POR: variants seen among roughly 807,000 people sequenced by gnomAD.
POR encodes NADPH--cytochrome P450 reductase.
POR carries 56 observed loss-of-function variants against 84.0 expected under a neutral mutation model. The observed-to-expected ratio is 0.67, with a 90% confidence interval of 0.54 to 0.83. The LOEUF is 0.83. Ranked by LOEUF, POR falls within the 40% of genes least tolerant of loss-of-function variation. The pLI, the probability that POR is intolerant of heterozygous loss-of-function variation, is 0.00. For synonymous variants in POR, 414 were observed against 400.5 expected, an observed-to-expected ratio of 1.03 and a Z score of -0.40; for missense variants, 938 against 944.3, an observed-to-expected ratio of 0.99 and a Z score of 0.09.
chr7:75,985,504 G>A, intron 12 of POR, 75 bp from the exon 13 acceptor site: 1 of 1,437,902 alleles, frequency 7.0e-7, no homozygotes, highest in Non-Finnish European at 9.2e-7. Context: ...GGGCTGGCCT[G>A]CAGAACGGGA....
At chr7:75,932,789 G>C (rs1223960436) in intron 1 of POR, among the ~76,000 whole-genome samples, 1 of 152,116 alleles carries the variant, frequency 6.6e-6, no homozygotes, top group Non-Finnish European at 1.5e-5. Flanking sequence ...GGAGGCCGAG[G>C]TGGGTGGATC....
intron 1 of POR, among the ~76,000 whole-genome samples, chr7:75,916,595 A>G (rs1052070445): frequency 6.6e-6 from 1 of 152,172 alleles, no homozygotes; most frequent in Non-Finnish European, 1.5e-5. Context: ...CTGAGCAGAT[A>G]GCTTATTATA....
intron 1 of POR, among the ~76,000 whole-genome samples, chr7:75,949,340 G>C (rs544879726): frequency 6.6e-6 from 1 of 152,178 alleles, no homozygotes; most frequent in South Asian, 2.1e-4. Flanking sequence ...ATTTTTAGTA[G>C]AGATGGAGTT....
At chr7:75,980,743 C>T (rs1196730002) in intron 5 of POR, 41 of 1,471,740 alleles carry the variant, frequency 2.8e-5, no homozygotes, top group Middle Eastern at 1.9e-4. Flanking sequence ...TCTGGCTGGA[C>T]GACTGAGACC....
At chr7:75,976,199 T>TA (rs1788677915) in intron 3 of POR, among the ~76,000 whole-genome samples, 2 of 152,178 alleles carry the variant, frequency 1.3e-5, no homozygotes, top group African/African-American at 4.8e-5. Context: ...AACCTGATAA[T>TA]CATGAGCACT....
intron 1 of POR, chr7:75,922,868 A>G: frequency 3.4e-6 from 2 of 579,762 alleles, no homozygotes. Flanking sequence ...TTGGCAAAGG[A>G]GGAGCAGAGG....
At chr7:75,922,986 C>A in intron 1 of POR, 1 of 674,042 alleles carries the variant, frequency 1.5e-6, no homozygotes, top group South Asian at 1.6e-5. Context: ...AACCTCACAC[C>A]TTGGAATCGC....
chr7:75,940,594 C>T (rs1226888271), intron 1 of POR, among the ~76,000 whole-genome samples: 1 of 151,074 alleles, frequency 6.6e-6, no homozygotes, highest in African/African-American at 2.4e-5. Context: ...ACCATCCTGG[C>T]TAATATGGTG....
rs781830834 is a variant in POR at position 75,943,754 on chromosome 7, G to A, written c.-4-10235G>A. 9.3e-5 allele frequency: 40 copies of A among 430,830 alleles called. No individual in the cohort carries two copies. In the Admixed American group the frequency reaches 9.4e-4, roughly 10 times the overall value. 26.7% of individuals were successfully genotyped at this position (430,830 alleles called of 1,614,324 possible). A position where few individuals can be genotyped will look rare whatever the true frequency, so the allele number is the denominator to read the frequency against. ...ACAACAACTGAAAAGTATTGGTAAC[G>A]TCTTTAGATTCATCAAGAGCCAAGG... On this transcript the variant is annotated intron_variant, in intron 1 of 15. Coordinates refer to ENST00000461988, the MANE Select transcript of POR (RefSeq NM_000941.3).
At chr7:75,981,474 G>A in intron 6 of POR, 43 bp from the exon 7 acceptor site, 1 of 1,561,550 alleles carries the variant, frequency 6.4e-7, no homozygotes, top group Non-Finnish European at 8.7e-7. Context: ...GTTGCCACAT[G>A]GGCCTCCCCT....
chr7:75,943,202 C>T (rs926327957), intron 1 of POR, among the ~76,000 whole-genome samples: 5 of 152,274 alleles, frequency 3.3e-5, no homozygotes, highest in African/African-American at 7.2e-5. Flanking sequence ...CCGCCTGCCT[C>T]GGCTTCCCAA....
At chr7:75,979,324 A>T in intron 3 of POR, 127 bp from the exon 4 acceptor site, 1 of 1,125,596 alleles carries the variant, frequency 8.9e-7, no homozygotes, top group Non-Finnish European at 1.3e-6. Context: ...CTTAGAAGGG[A>T]CTCAAAGCCA....
chr7:75,926,178 G>C (rs1414966723), intron 1 of POR, among the ~76,000 whole-genome samples: 2 of 138,926 alleles, frequency 1.4e-5, no homozygotes, highest in African/African-American at 6.4e-5. Context: ...CTTTCTTTTT[G>C]CAGAGATGGG....
chr7:75,959,539 T>C (rs1429829233), intron 2 of POR, among the ~76,000 whole-genome samples: 1 of 152,218 alleles, frequency 6.6e-6, no homozygotes, highest in Non-Finnish European at 1.5e-5. Context: ...CACTGCAACC[T>C]CTGCCTCTGG....
chr7:75,922,208 C>T (rs1806908499), intron 1 of POR, among the ~76,000 whole-genome samples: 1 of 151,902 alleles, frequency 6.6e-6, no homozygotes, highest in Non-Finnish European at 1.5e-5. Flanking sequence ...AAGGTAGGCA[C>T]TTGGATGAAT....
intron 2 of POR, 53 bp from the exon 3 acceptor site, chr7:75,972,360 C>G (rs1788479266): frequency 6.6e-7 from 1 of 1,520,260 alleles, no homozygotes; most frequent in Non-Finnish European, 9.1e-7. Flanking sequence ...CCCGTGACAC[C>G]TGTGTCCCAT....
chr7:75,981,465 T>C, intron 6 of POR, 52 bp from the exon 7 acceptor site: 3 of 1,520,466 alleles, frequency 2.0e-6, no homozygotes, highest in Non-Finnish European at 2.7e-6. Flanking sequence ...CCAGGTACCG[T>C]TGCCACATGG....
At position 75,981,519 on chromosome 7, in the gene POR, T is replaced by C. The variant is rs1218803204; in HGVS notation, c.644T>C (p.Leu215Ser). ...CCCCTCTCCTCTCCTCGGCCCAGCTTGGAGGAGGACTTCATCACCTGGCGA... is the reference window on the plus strand; with the variant it reads ...CCCCTCTCCTCTCCTCGGCCCAGCTCGGAGGAGGACTTCATCACCTGGCGA... Residue 215 changes from leucine to serine, a missense_variant and splice_region_variant, in exon 7 of 16, where the codon TTG becomes TCG. Transcript: ENST00000461988. 1.2e-6 allele frequency: 2 copies of C among 1,611,876 alleles called. No individual in the cohort carries two copies. The highest frequency in any genetic ancestry group is 2.7e-5 in the African/African-American group (2 of 74,900).
chr7:75,973,662 T>G (rs1788541873), intron 3 of POR, among the ~76,000 whole-genome samples: 1 of 139,136 alleles, frequency 7.2e-6, no homozygotes, highest in African/African-American at 2.7e-5. Context: ...ATGTGCACTG[T>G]TCCAGACCTT....
Sources: allele counts gnomAD v4.1 joint callset (sites outside exome capture counted in the v4.1 genomes callset), GRCh38; gene constraint gnomAD v4.1.1; transcripts MANE v1.5; gene names NCBI Gene and HGNC (gene_info 2026-07-23, HGNC 2026-07-21).